The following ZNF836 variants were observed in gnomAD, a reference collection of about 807,000 sequenced individuals.
ZNF836 encodes zinc finger protein 836.
A neutral mutation model predicts 7.4 loss-of-function variants in ZNF836; 12 were observed. That is an observed-to-expected ratio of 1.61 (90% CI 1.03 to 2.61). The LOEUF (loss-of-function observed/expected upper bound fraction) is 2.61, where lower values mean the gene tolerates loss of function less well. Ranked by LOEUF, ZNF836 falls within the 30% of genes most tolerant of loss-of-function variation. The pLI, the probability that ZNF836 is intolerant of heterozygous loss-of-function variation, is 0.00. For synonymous variants in ZNF836, 365 were observed against 382.6 expected, an observed-to-expected ratio of 0.95 and a Z score of 0.54; for missense variants, 998 against 1,126.2, an observed-to-expected ratio of 0.89 and a Z score of 1.63.
Position 52,156,581 on chromosome 19 carries a change from T to C in ZNF836, c.1102A>G (p.Arg368Gly), listed in dbSNP as rs1310166932. 6.2e-7 allele frequency: 1 copy of C among 1,614,162 alleles called. No individual in the cohort carries two copies. Among genetic ancestry groups the C allele is most frequent in the African/African-American group, 1.3e-5 (1 of 75,058 alleles). The change falls in exon 5 of 5, where the codon AGG becomes GGG. Residue 368 changes from arginine (R) to glycine (G), a missense_variant. Transcript: ENST00000682614. ...TGATTTACAAGATTAGAATTCTGCC[T>C]GAAGACCTTGCCACATATATCACAT... ...YQCDICGKVF[R>G]QNSNLVNHQR...
intron 1 of ZNF836, among the ~76,000 whole-genome samples, chr19:52,170,572 T>C (rs2089299864): frequency 6.6e-6 from 1 of 152,060 alleles, no homozygotes; most frequent in Admixed American, 6.6e-5. Flanking sequence ...CGCCCCACTC[T>C]ATTTTGCTGC....
At position 52,161,990 on chromosome 19, in the gene ZNF836, T is replaced by C. The variant is rs976493724; in HGVS notation, c.16-1399A>G. ...AGGAAAGAAGGGGTAGCTGTTCCCA[T>C]GTAAGGCTGAAACCCAACAGGGCAT... On this transcript the variant is annotated intron_variant, in intron 3 of 4. Coordinates refer to ENST00000682614, the MANE Select transcript of ZNF836 (RefSeq NM_001102657.3). This position sits in a 1 kb window ranked among gnomAD's most constrained non-coding sequence, Gnocchi z 4.1. 2.0e-5 allele frequency among the ~76,000 whole-genome samples: 3 copies of C among 152,186 alleles called. No homozygotes were observed. The highest frequency in any genetic ancestry group is 3.9e-4 in the East Asian group (2 of 5,194).
At chr19:52,163,678 A>C (rs2089234301) in intron 3 of ZNF836, among the ~76,000 whole-genome samples, 1 of 152,212 alleles carries the variant, frequency 6.6e-6, no homozygotes, top group Non-Finnish European at 1.5e-5. Context: ...GTCTTGCCTG[A>C]ATATAATCAC....
At chr19:52,162,756 C>T (rs1362420138) in intron 3 of ZNF836, among the ~76,000 whole-genome samples, 1 of 152,160 alleles carries the variant, frequency 6.6e-6, no homozygotes, top group Non-Finnish European at 1.5e-5. Flanking sequence ...CTCTAGATTT[C>T]CCAGTAGATA....
rs867942765 is a variant in ZNF836, at chr19:52,156,340, T to C, written c.1343A>G (p.Asp448Gly). The change falls in exon 5 of 5, where the codon GAC becomes GGC. Residue 448 changes from aspartate to glycine, a missense_variant. Asp to Gly is a moderately conservative substitution (Grantham distance 94, BLOSUM62 -1). Coordinates refer to ENST00000682614, the MANE Select transcript of ZNF836 (RefSeq NM_001102657.3). ...GEKPYTCDVCDKVFSQRSQLA... is the reference protein window; with the variant it reads ...GEKPYTCDVCGKVFSQRSQLA... ...TTGTGAACGTTGACTGAAGACCTTGTCGCATACATCACATGTATATGGTTT... is the reference window on the plus strand; with the variant it reads ...TTGTGAACGTTGACTGAAGACCTTGCCGCATACATCACATGTATATGGTTT... 4 of 1,613,974 alleles carry C rather than the reference T, an allele frequency of 2.5e-6. No individual in the cohort carries two copies. Among genetic ancestry groups the C allele is most frequent in the Non-Finnish European group, 1.7e-6 (2 of 1,180,018 alleles).
rs554439286 is a variant in ZNF836, at chr19:52,158,707, C to A, written c.143-1167G>T. Among the ~76,000 whole-genome samples the A allele has an allele frequency of 5.9e-5, 9 of 152,276 alleles. No individual in the cohort carries two copies. The South Asian group carries it at 1.9e-3, about 32-fold the overall frequency. ...GTAGTGAGCTGAGATCGCGCCACAGCACTCCAGTCTGGGTGACAGAGCAAG... is the reference window on the plus strand; with the variant it reads ...GTAGTGAGCTGAGATCGCGCCACAGAACTCCAGTCTGGGTGACAGAGCAAG... On this transcript the variant is annotated intron_variant, in intron 4 of 4. Coordinates refer to ENST00000682614, the MANE Select transcript of ZNF836 (RefSeq NM_001102657.3).
In ZNF836 at chr19:52,155,395, G is replaced by C. The variant is rs781457359; in HGVS notation, c.2288C>G (p.Ser763Trp). ...IECGQVFNST[S>W]NLARHRRIHT... The stretch of plus-strand genomic sequence containing the variant: ...AATTCTCCGATGCCTTGCAAGGTTC[G>C]AAGTGGAATTAAAGACCTGGCCACA... The change falls in exon 5 of 5, where the codon TCG (serine) becomes TGG (tryptophan). Residue 763 changes from serine (S) to tryptophan (W), a missense_variant. By Grantham distance (177) the Ser-to-Trp change is radical (BLOSUM62 -3). Transcript: ENST00000682614. 2.9e-5 allele frequency: 46 copies of C among 1,613,972 alleles called. No individual in the cohort carries two copies. Among genetic ancestry groups the C allele is most frequent in the Non-Finnish European group, 3.7e-5 (44 of 1,180,028 alleles).
chr19:52,167,472 CAA>C lies in ZNF836; in HGVS notation c.15+584_15+585del, dbSNP rs1165727472. Reference sequence around the variant, plus strand: ...GGGCAACAAGAACGAAACTCCGTCTCAAAAAAAAAAAAAAAAAAAAAAAAATC... The same window carrying C: ...GGGCAACAAGAACGAAACTCCGTCTCAAAAAAAAAAAAAAAAAAAAAAATC... On this transcript the variant is annotated intron_variant, in intron 3 of 4. Coordinates refer to ENST00000682614, the MANE Select transcript of ZNF836 (RefSeq NM_001102657.3). Among the ~76,000 whole-genome samples the C allele has an allele frequency of 5.0e-4, 22 of 44,122 alleles. No individual in the cohort carries two copies. In the South Asian group the frequency reaches 6.7e-3, roughly 14 times the overall value. 28.9% of individuals were successfully genotyped at this position (44,122 alleles called of 152,430 possible).
rs148702333 is a variant in ZNF836, at chr19:52,159,394, T to C, written c.142+1071A>G. On this transcript the variant is annotated intron_variant, in intron 4 of 4. Coordinates refer to ENST00000682614, the MANE Select transcript of ZNF836 (RefSeq NM_001102657.3). ...AGGATTTATGTATCTACACCCAAAT[T>C]ACGAAGAAAGTAAGACATGAACCTG... Among the ~76,000 whole-genome samples, 339 of 152,240 alleles carry C rather than the reference T, an allele frequency of 2.2e-3. 3 individuals are homozygous for C. The highest frequency in any genetic ancestry group is 7.2e-3 in the Admixed American group (110 of 15,288).
In ZNF836 at chr19:52,157,228, A is replaced by G. The variant is rs746707843; in HGVS notation, c.455T>C (p.Leu152Pro). 9.9e-6 allele frequency: 16 copies of G among 1,610,534 alleles called. No individual in the cohort carries two copies. Among genetic ancestry groups the G allele is most frequent in the African/African-American group, 1.3e-5 (1 of 74,906 alleles). The change falls in exon 5 of 5, where the codon CTG becomes CCG. Residue 152 changes from leucine (L) to proline (P), a missense_variant. Leu to Pro is a moderately conservative substitution (Grantham distance 98). Coordinates refer to ENST00000682614, the MANE Select transcript of ZNF836 (RefSeq NM_001102657.3). The part of the protein sequence containing the change: ...TLSFQSRLTE[L>P]QKFQTEGKIY... ...TTTCCCTTCAGTTTGAAATTTCTGCAGTTCAGTCAGACGTGACTGAAAGCT... is the reference window on the plus strand; with the variant it reads ...TTTCCCTTCAGTTTGAAATTTCTGCGGTTCAGTCAGACGTGACTGAAAGCT...
chr19:52,164,677 C>T (rs542855112), intron 3 of ZNF836, among the ~76,000 whole-genome samples: 2 of 151,934 alleles, frequency 1.3e-5, no homozygotes, highest in Non-Finnish European at 2.9e-5. Context: ...GCATGAGGGG[C>T]TCATGGCAAA....
chr19:52,168,777 C>T (rs1378128608), intron 2 of ZNF836, among the ~76,000 whole-genome samples: 1 of 152,024 alleles, frequency 6.6e-6, no homozygotes, highest in Non-Finnish European at 1.5e-5. Flanking sequence ...GCAATCTCCG[C>T]CTCCCAGGTT....
intron 3 of ZNF836, among the ~76,000 whole-genome samples, chr19:52,166,668 G>A (rs573552706): frequency 4.6e-5 from 7 of 150,756 alleles, no homozygotes; most frequent in African/African-American, 7.3e-5. Flanking sequence ...CCACCTCCTG[G>A]GTTCATGCCA....
In ZNF836 at chr19:52,156,568, T is replaced by A; in HGVS notation, c.1115A>T (p.Asn372Ile). ...GTGGATTCTCTGGTGATTTACAAGATTAGAATTCTGCCTGAAGACCTTGCC... is the reference window on the plus strand; with the variant it reads ...GTGGATTCTCTGGTGATTTACAAGAATAGAATTCTGCCTGAAGACCTTGCC... Reference protein sequence around the residue: ...ICGKVFRQNSNLVNHQRIHTG... With the variant: ...ICGKVFRQNSILVNHQRIHTG... Residue 372 changes from asparagine to isoleucine, a missense_variant, in exon 5 of 5, where the codon AAT (asparagine) becomes ATT (isoleucine). By Grantham distance (149) the Asn-to-Ile change is moderately radical (BLOSUM62 -3). Coordinates refer to ENST00000682614, the MANE Select transcript of ZNF836 (RefSeq NM_001102657.3). The A allele has an allele frequency of 6.2e-7, 1 of 1,614,084 alleles. No homozygotes were observed. Among genetic ancestry groups the A allele is most frequent in the South Asian group, 1.1e-5 (1 of 91,078 alleles).
In ZNF836 at chr19:52,157,121, G is replaced by A; in HGVS notation, c.562C>T (p.Gln188Ter). Residue 188 changes from glutamine to a stop codon, truncating the protein, a stop_gained, in exon 5 of 5, where the codon CAA (glutamine) becomes TAA (stop). Coordinates refer to ENST00000682614, the MANE Select transcript of ZNF836 (RefSeq NM_001102657.3). LOFTEE classifies it low-confidence loss of function (END_TRUNC). ...TCATATTTTTTAGAAATGTTGGTTT[G>A]GACACTAGGAAGAATTCTTTGAAGT... ...SPLQRILPSV[Q>*]TNISKKYENE... 6.2e-7 allele frequency: 1 copy of A among 1,613,602 alleles called. No homozygotes were observed. Among genetic ancestry groups the A allele is most frequent in the South Asian group, 1.1e-5 (1 of 91,064 alleles).
rs2089203503 is a variant in ZNF836, at chr19:52,160,493, C to T, written c.114G>A (p.Leu38=). 1.9e-6 allele frequency: 3 copies of T among 1,614,130 alleles called. No homozygotes were observed. The East Asian group carries it at 6.7e-5, about 36-fold the overall frequency. ...VQKALYWDVM[L]ENYRNLVFLG... ...GGAAGACCAGGTTCCTGTAGTTCTC[C>T]AACATCACATCCCAGTACAAAGCTT... The change falls in exon 4 of 5, where the codon TTG becomes TTA. Residue 38 remains leucine (L), a synonymous_variant. Transcript: ENST00000682614.
At chr19:52,162,787 A>T (rs531480360) in intron 3 of ZNF836, among the ~76,000 whole-genome samples, 66 of 152,348 alleles carry the variant, frequency 4.3e-4, no homozygotes, top group African/African-American at 1.5e-3. Context: ...GCCCGGCGCC[A>T]GGGAGTGACG....
At chr19:52,170,267 ATCTT>A (rs2089297721) in intron 1 of ZNF836, 1 of 151,780 alleles carries the variant, frequency 6.6e-6, no homozygotes. Flanking sequence ...TTTCTCCCCA[ATCTT>A]TCTGATTGTC....
At chr19:52,159,718 T>G (rs754959617) in intron 4 of ZNF836, among the ~76,000 whole-genome samples, 1 of 151,998 alleles carries the variant, frequency 6.6e-6, no homozygotes, top group Non-Finnish European at 1.5e-5. Context: ...AGTAAGTAAC[T>G]GGGTAGTCCA....
Sources: gnomAD v4.1 joint callset for allele counts (sites outside exome capture counted in the v4.1 genomes callset) on GRCh38, gnomAD v4.1.1 for gene constraint, Gnocchi (gnomAD v3.1) non-coding constraint, MANE v1.5 for transcripts, NCBI Gene and HGNC (gene_info 2026-07-23, HGNC 2026-07-21) for gene names.